The following ELAVL3 variants were observed in gnomAD, a reference collection of about 807,000 sequenced individuals.
ELAVL3 encodes ELAV like RNA binding protein 3.
In ELAVL3, 8 loss-of-function variants were observed where a neutral mutation model predicts 34.2. The observed-to-expected ratio is 0.23, with a 90% confidence interval of 0.14 to 0.42. ELAVL3 has a LOEUF of 0.42. Ranked by LOEUF, ELAVL3 falls within the 10% of genes least tolerant of loss-of-function variation. ELAVL3 has a pLI of 1.00. For missense variants in ELAVL3, 273 were observed against 518.8 expected (o/e 0.53, Z 4.60); for synonymous variants, 209 against 222.1 (o/e 0.94, Z 0.53).
chr19:11,477,851 G>A (rs530950575), intron 1 of ELAVL3, among the ~76,000 whole-genome samples: 3 of 152,070 alleles, frequency 2.0e-5, no homozygotes, highest in East Asian at 1.9e-4. Flanking sequence ...ATCGCGCCCC[G>A]CTAACTTTTT....
rs1475599025 is a variant in ELAVL3 at position 11,466,955 on chromosome 19, A to T, written c.10-128T>A. The T allele has an allele frequency of 5.9e-6, 4 of 683,572 alleles. No individual in the cohort carries two copies. The highest frequency in any genetic ancestry group is 9.8e-6 in the Non-Finnish European group (4 of 408,416). 42.3% of individuals were successfully genotyped at this position (683,572 alleles called of 1,614,324 possible). A position where few individuals can be genotyped will look rare whatever the true frequency, so the allele number is the denominator to read the frequency against. On this transcript the variant is annotated intron_variant, in intron 1 of 6. Transcript: ENST00000359227. This position sits in a 1 kb window ranked among gnomAD's most constrained non-coding sequence, Gnocchi z 5.0. ...CTTCGTCATGGGGAGGGGTCACTTT[A>T]TTATTCTAATGATGGGAATAATGAT...
intron 3 of ELAVL3, among the ~76,000 whole-genome samples, chr19:11,464,151 C>CTCTCTCTCTCTCTCTA: frequency 1.2e-5 from 1 of 86,460 alleles, no homozygotes; most frequent in African/African-American, 6.1e-5. Context: ...CTCTCTCTCT[C>CTCTCTCTCTCTCTCTA]TATATATATA....
intron 5 of ELAVL3, 125 bp from the exon 6 acceptor site, chr19:11,457,273 G>C: frequency 9.6e-7 from 1 of 1,045,114 alleles, no homozygotes; most frequent in South Asian, 1.7e-5. Flanking sequence ...CCGCCTGCCT[G>C]CTCCCCGCCC....
intron 1 of ELAVL3, among the ~76,000 whole-genome samples, chr19:11,470,871 G>A (rs1299103239): frequency 6.6e-6 from 1 of 151,996 alleles, no homozygotes; most frequent in Non-Finnish European, 1.5e-5. Flanking sequence ...TTAGAGACAG[G>A]ATCTTGCTTT....
chr19:11,475,049 A>G (rs1971237690), intron 1 of ELAVL3, among the ~76,000 whole-genome samples: 1 of 151,900 alleles, frequency 6.6e-6, no homozygotes, highest in African/African-American at 2.4e-5. Context: ...GATGGTCTCG[A>G]TCTCCTGATC....
rs1287398907 is a variant in ELAVL3 at position 11,454,865 on chromosome 19, G to C, written c.765C>G (p.Leu255=). Residue 255 remains leucine (L), a synonymous_variant, in exon 7 of 7, where the codon CTC becomes CTG. Transcript: ENST00000359227. This position sits in a 1 kb window ranked among gnomAD's most constrained non-coding sequence, Gnocchi z 9.2. ...MAYGVKSPLS[L]IARFSPIAID... ...TGGCGATCGGCGAGAACCTGGCGATGAGCGACAGGGGACTACTTTGGGGGT... is the reference window on the plus strand; with the variant it reads ...TGGCGATCGGCGAGAACCTGGCGATCAGCGACAGGGGACTACTTTGGGGGT... 1.9e-6 allele frequency: 3 copies of C among 1,598,736 alleles called. No individual in the cohort carries two copies. The highest frequency in any genetic ancestry group is 2.5e-6 in the Non-Finnish European group (3 of 1,176,640).
intron 1 of ELAVL3, among the ~76,000 whole-genome samples, chr19:11,470,359 T>A (rs1971139184): frequency 6.6e-6 from 1 of 150,614 alleles, no homozygotes; most frequent in Non-Finnish European, 1.5e-5. Flanking sequence ...CATCTAAAAA[T>A]AATAGTAATA....
Position 11,480,784 on chromosome 19 carries a change from C to G in ELAVL3, c.-176G>C, listed in dbSNP as rs1448552959. 2.0e-6 allele frequency: 1 copy of G among 492,662 alleles called. No individual in the cohort carries two copies. Among genetic ancestry groups the G allele is most frequent in the African/African-American group, 2.0e-5 (1 of 50,006 alleles). The allele number at this position is 492,662 out of a possible 1,614,324, so 30.5% of individuals were successfully genotyped here. On this transcript the variant is annotated 5_prime_UTR_variant, in exon 1 of 7. Transcript: ENST00000359227. This position sits in a 1 kb window ranked among gnomAD's most constrained non-coding sequence, Gnocchi z 6.8. ...CGAGGGCCAGGGACGGGCCCGAACC[C>G]GGGGATGCGCGCGCGGATGGCCGGG... is the stretch of plus-strand genomic sequence containing the variant.
intron 1 of ELAVL3, among the ~76,000 whole-genome samples, chr19:11,479,954 T>C (rs1599555076): frequency 7.1e-6 from 1 of 140,644 alleles, no homozygotes; most frequent in African/African-American, 2.7e-5. Flanking sequence ...TCCTCTCCCC[T>C]CCCCCTCCCC....
chr19:11,466,692 T>A lies in ELAVL3; in HGVS notation c.145A>T (p.Asn49Tyr), dbSNP rs1339512702. The change falls in exon 2 of 7, where the codon AAC becomes TAC. Residue 49 changes from asparagine (N) to tyrosine (Y), a missense_variant. Physicochemically the swap from Asn to Tyr is moderately radical, Grantham distance 143. Coordinates refer to ENST00000359227, the MANE Select transcript of ELAVL3 (RefSeq NM_001420.4). The surrounding 1 kb of genome is among the most constrained non-coding windows in gnomAD (Gnocchi z 5.0). ...TNLIVNYLPQ[N>Y]MTQDEFKSLF... ...CTCTTGAACTCATCCTGGGTCATGT[T>A]CTGGGGCAGGTAGTTGACGATGAGG... 1 of 1,614,222 alleles carries A rather than the reference T, an allele frequency of 6.2e-7. No individual in the cohort carries two copies. The highest frequency in any genetic ancestry group is 8.5e-7 in the Non-Finnish European group (1 of 1,180,032).
rs1311244257 is a variant in ELAVL3, at chr19:11,464,173, T to A, written c.333+1999A>T. Among the ~76,000 whole-genome samples the A allele has an allele frequency of 1.9e-3, 250 of 133,064 alleles. 2 individuals carry two copies. Among genetic ancestry groups the A allele is most frequent in the African/African-American group, 7.1e-3 (215 of 30,294 alleles). The allele number at this position is 133,064 out of a possible 152,430, so 87.3% of individuals were successfully genotyped here. On this transcript the variant is annotated intron_variant, in intron 3 of 6. Coordinates refer to ENST00000359227, the MANE Select transcript of ELAVL3 (RefSeq NM_001420.4). ...TCTCTATATATATATATATATTTTT[T>A]TTTTTTTTAGACAGGGTCTTGCTCT...
chr19:11,475,297 G>C (rs1470200754), intron 1 of ELAVL3, among the ~76,000 whole-genome samples: 9 of 152,130 alleles, frequency 5.9e-5, no homozygotes. Context: ...CGTATGAATA[G>C]GGAAATTCAT....
At position 11,480,723 on chromosome 19, in the gene ELAVL3, C is replaced by G; in HGVS notation, c.-115G>C. On this transcript the variant is annotated 5_prime_UTR_variant, in exon 1 of 7. Transcript: ENST00000359227. The surrounding 1 kb of genome is among the most constrained non-coding windows in gnomAD (Gnocchi z 6.8). Reference sequence around the variant, plus strand: ...CCCGCCCGGGCGGCCTCTGGTGCGGCCGCTGCAGATGTGGCGATGAAGGCG... The same window carrying G: ...CCCGCCCGGGCGGCCTCTGGTGCGGGCGCTGCAGATGTGGCGATGAAGGCG... 9.4e-7 allele frequency: 1 copy of G among 1,060,044 alleles called. No individual in the cohort carries two copies. Among genetic ancestry groups the G allele is most frequent in the Non-Finnish European group, 1.3e-6 (1 of 787,478 alleles). 65.7% of individuals were successfully genotyped at this position (1,060,044 alleles called of 1,614,324 possible).
At chr19:11,478,426 C>A (rs1311002808) in intron 1 of ELAVL3, among the ~76,000 whole-genome samples, 1 of 152,182 alleles carries the variant, frequency 6.6e-6, no homozygotes, top group African/African-American at 2.4e-5. Context: ...CGCCCTGCCC[C>A]AGCCTGCAGT....
chr19:11,458,666 G>C lies in ELAVL3; in HGVS notation c.334-55C>G. ...GAGGCAGAGACCCATTTCACAGATGGAGAGAGTGAGGCCATGTCTAAACCA... is the reference window on the plus strand; with the variant it reads ...GAGGCAGAGACCCATTTCACAGATGCAGAGAGTGAGGCCATGTCTAAACCA... On this transcript the variant is annotated intron_variant, in intron 3 of 6. Transcript: ENST00000359227. The surrounding 1 kb of genome is among the most constrained non-coding windows in gnomAD (Gnocchi z 7.3). 6.3e-7 allele frequency: 1 copy of C among 1,598,850 alleles called. No individual in the cohort carries two copies. Among genetic ancestry groups the C allele is most frequent in the East Asian group, 2.2e-5 (1 of 44,768 alleles).
chr19:11,458,381 C>T lies in ELAVL3; in HGVS notation c.487+77G>A, dbSNP rs1599530393. 24 of 1,606,148 alleles carry T rather than the reference C, an allele frequency of 1.5e-5. No individual in the cohort carries two copies. The Admixed American group carries it at 2.5e-4, about 17-fold the overall frequency. On this transcript the variant is annotated intron_variant, in intron 4 of 6. Coordinates refer to ENST00000359227, the MANE Select transcript of ELAVL3 (RefSeq NM_001420.4). This position sits in a 1 kb window ranked among gnomAD's most constrained non-coding sequence, Gnocchi z 7.3. Reference sequence around the variant, plus strand: ...CTGCTTCATGCCCTGGCATCTTGGTCGGTTTCCCCACGTTGGTCCCACCTG... The same window carrying T: ...CTGCTTCATGCCCTGGCATCTTGGTTGGTTTCCCCACGTTGGTCCCACCTG...
chr19:11,458,405 T>C lies in ELAVL3; in HGVS notation c.487+53A>G. ...TCGGTTTCCCCACGTTGGTCCCACC[T>C]GACTGCCTTTGCCCAGCGCCCCCGC... On this transcript the variant is annotated intron_variant, in intron 4 of 6. Coordinates refer to ENST00000359227, the MANE Select transcript of ELAVL3 (RefSeq NM_001420.4). The surrounding 1 kb of genome is among the most constrained non-coding windows in gnomAD (Gnocchi z 7.3). The C allele has an allele frequency of 6.2e-7, 1 of 1,611,400 alleles. No homozygotes were observed. Among genetic ancestry groups the C allele is most frequent in the Non-Finnish European group, 8.5e-7 (1 of 1,178,702 alleles).
At chr19:11,463,681 G>A (rs560901281) in intron 3 of ELAVL3, among the ~76,000 whole-genome samples, 4 of 152,146 alleles carry the variant, frequency 2.6e-5, no homozygotes, top group African/African-American at 9.6e-5. Flanking sequence ...TAATAAGCAC[G>A]TCATCCTGGG....
In ELAVL3 at chr19:11,452,997, G is replaced by A. The variant is rs1193235320; in HGVS notation, c.*1529C>T. The stretch of plus-strand genomic sequence containing the variant: ...GGTGACAAGTGGACGGGAAAGGAGT[G>A]TGGGGCTGGGCCTTTGGGCCCATCC... On this transcript the variant is annotated 3_prime_UTR_variant, in exon 7 of 7. Coordinates refer to ENST00000359227, the MANE Select transcript of ELAVL3 (RefSeq NM_001420.4). 1 of 152,268 alleles carries A rather than the reference G, an allele frequency of 6.6e-6. No homozygotes were observed. The highest frequency in any genetic ancestry group is 1.9e-4 in the East Asian group (1 of 5,184). 9.4% of individuals were successfully genotyped at this position (152,268 alleles called of 1,614,324 possible).
Sources: allele counts gnomAD v4.1 joint callset (sites outside exome capture counted in the v4.1 genomes callset), GRCh38; gene constraint gnomAD v4.1.1; non-coding constraint Gnocchi (gnomAD v3.1); transcripts MANE v1.5; gene names NCBI Gene and HGNC (gene_info 2026-07-23, HGNC 2026-07-21).